COP1: variants seen among roughly 807,000 people sequenced by gnomAD.
COP1 encodes COP1 E3 ubiquitin ligase.
In COP1, 24 loss-of-function variants were observed where a neutral mutation model predicts 101.3. The observed-to-expected ratio is 0.24, with a 90% CI of 0.17 to 0.33. The LOEUF is 0.33. COP1 is among the 10% of genes least tolerant of loss of function. The pLI is 1.00. For synonymous variants in COP1, 347 were observed against 341.9 expected, an observed-to-expected ratio of 1.01 and a Z score of -0.17; for missense variants, 663 against 906.2, an observed-to-expected ratio of 0.73 and a Z score of 3.45.
rs538805362 is a variant in COP1 at position 175,982,544 on chromosome 1, G to A, written c.2133+4399C>T. ...GATTTTCTTAATAATATTTTCTTTT[G>A]TCTAGCTTATGTGGGTTAATTGTTT... On this transcript the variant is annotated intron_variant, in intron 18 of 19. Transcript: ENST00000367669. Among the ~76,000 whole-genome samples the A allele has an allele frequency of 2.0e-5, 3 of 152,090 alleles. No individual in the cohort carries two copies. The East Asian group carries it at 5.8e-4, about 29-fold the overall frequency.
At chr1:176,074,495 A>C (rs1448118812) in intron 11 of COP1, among the ~76,000 whole-genome samples, 7 of 152,176 alleles carry the variant, frequency 4.6e-5, no homozygotes, top group Non-Finnish European at 8.8e-5. Context: ...TAATAGAAAA[A>C]AAACGAATGT....
chr1:176,195,093 G>T (rs79061072), intron 1 of COP1, among the ~76,000 whole-genome samples: 4,936 of 140,286 alleles, frequency 0.035, 111 homozygotes, highest in Non-Finnish European at 0.049. Flanking sequence ...TCTCAAAGAA[G>T]AGAAGAGAAA....
At chr1:176,104,338 T>A (rs1683937088) in intron 9 of COP1, among the ~76,000 whole-genome samples, 1 of 152,096 alleles carries the variant, frequency 6.6e-6, no homozygotes, top group Non-Finnish European at 1.5e-5. Context: ...TTGATAATTT[T>A]AACTAAAAAC....
At chr1:176,125,227 G>C (rs1280536045) in intron 8 of COP1, among the ~76,000 whole-genome samples, 1 of 152,004 alleles carries the variant, frequency 6.6e-6, no homozygotes, top group African/African-American at 2.4e-5. Context: ...TTTGCTGATT[G>C]TTTCCTTTGG....
chr1:176,182,554 G>A (rs1036874499), intron 2 of COP1, among the ~76,000 whole-genome samples: 1 of 152,194 alleles, frequency 6.6e-6, no homozygotes, highest in African/African-American at 2.4e-5. Flanking sequence ...CTACGACAAA[G>A]AATTATCTGG....
chr1:176,113,207 A>G (rs1685588656), intron 9 of COP1, among the ~76,000 whole-genome samples: 1 of 152,072 alleles, frequency 6.6e-6, no homozygotes, highest in Admixed American at 6.5e-5. Context: ...CCTTTCTAAC[A>G]TTTGTTACTT....
chr1:176,168,951 T>C (rs934112548), intron 3 of COP1, among the ~76,000 whole-genome samples: 1 of 152,218 alleles, frequency 6.6e-6, no homozygotes, highest in African/African-American at 2.4e-5. Context: ...TTGAGTTATT[T>C]GGTTTCCAAC....
chr1:176,203,036 G>A (rs567708389), intron 1 of COP1, among the ~76,000 whole-genome samples: 5 of 152,176 alleles, frequency 3.3e-5, no homozygotes, highest in Non-Finnish European at 7.4e-5. Context: ...TCAAGCAGAT[G>A]ATTAAAAGTC....
At chr1:176,178,757 G>A (rs1458861418) in intron 2 of COP1, among the ~76,000 whole-genome samples, 3 of 152,082 alleles carry the variant, frequency 2.0e-5, no homozygotes, top group African/African-American at 7.2e-5. Context: ...GGAGGCTGAG[G>A]CAGGAGAATC....
At chr1:176,106,668 A>C (rs1684365237) in intron 9 of COP1, among the ~76,000 whole-genome samples, 1 of 151,992 alleles carries the variant, frequency 6.6e-6, no homozygotes, top group Non-Finnish European at 1.5e-5. Context: ...CTCCTACCTA[A>C]CCAATCAGGC....
chr1:176,150,668 C>T (rs886739032), intron 5 of COP1, among the ~76,000 whole-genome samples: 11 of 152,152 alleles, frequency 7.2e-5, no homozygotes, highest in African/African-American at 2.7e-4. Flanking sequence ...AGTGACAGTT[C>T]ATTTACAAAG....
intron 9 of COP1, among the ~76,000 whole-genome samples, chr1:176,105,029 G>GA (rs770101046): frequency 2.1e-4 from 32 of 151,728 alleles, no homozygotes; most frequent in Non-Finnish European, 3.1e-4. Context: ...ATAAAGTACA[G>GA]AAAAAAAATT....
At position 176,002,043 on chromosome 1, in the gene COP1, C is replaced by A. The variant is rs1661741353; in HGVS notation, c.1730-12564G>T. Among the ~76,000 whole-genome samples the A allele has an allele frequency of 2.0e-5, 3 of 152,070 alleles. No individual in the cohort carries two copies. In the South Asian group the frequency reaches 6.2e-4, roughly 31 times the overall value. On this transcript the variant is annotated intron_variant, in intron 15 of 19. Transcript: ENST00000367669. ...TTTCCAAGATTCTCTTCCCGCCTTT[C>A]AAGAGTTTCAATATGATGAGTTTAG...
At chr1:175,979,834 T>C (rs1655383881) in intron 18 of COP1, among the ~76,000 whole-genome samples, 1 of 152,184 alleles carries the variant, frequency 6.6e-6, no homozygotes, top group South Asian at 2.1e-4. Flanking sequence ...CACTTCAGCA[T>C]TTCTTTGATT....
chr1:176,002,696 T>C (rs1280857521), intron 15 of COP1, among the ~76,000 whole-genome samples: 1 of 149,330 alleles, frequency 6.7e-6, no homozygotes, highest in Non-Finnish European at 1.5e-5. Flanking sequence ...TCATCATTTT[T>C]TATGGCTGCA....
At chr1:176,175,564 G>A (rs554852320) in intron 3 of COP1, among the ~76,000 whole-genome samples, 2 of 152,322 alleles carry the variant, frequency 1.3e-5, no homozygotes, top group South Asian at 4.2e-4. Context: ...TGATCTGACA[G>A]GAGACAGAGC....
At chr1:176,079,403 T>C (rs1432378409) in intron 11 of COP1, among the ~76,000 whole-genome samples, 1 of 152,128 alleles carries the variant, frequency 6.6e-6, no homozygotes, top group East Asian at 1.9e-4. Flanking sequence ...ATGTATATTC[T>C]CACTTGTAAG....
chr1:176,078,140 A>G (rs1678410883), intron 11 of COP1, among the ~76,000 whole-genome samples: 2 of 152,324 alleles, frequency 1.3e-5, no homozygotes, highest in African/African-American at 4.8e-5. Flanking sequence ...TTAGAAAAAA[A>G]CTATTCTAAA....
In COP1 at chr1:176,162,877, G is replaced by C. The variant is rs1242318014; in HGVS notation, c.754C>G (p.Leu252Val). 1 of 1,589,952 alleles carries C rather than the reference G, an allele frequency of 6.3e-7. No homozygotes were observed. The highest frequency in any genetic ancestry group is 1.4e-5 in the African/African-American group (1 of 74,018). The part of the protein sequence containing the change: ...LELLVQKKKQ[L>V]EAESHAAQLQ... ...GTTTAGCTACCACTTACTGCTTCCA[G>C]TTGTTTCTTCTTCTGCACTAGTAAC... Residue 252 changes from leucine to valine, a missense_variant, in exon 5 of 20, where the codon CTG becomes GTG. Physicochemically the swap from Leu to Val is conservative, Grantham distance 32. Transcript: ENST00000367669.
Sources: gnomAD v4.1 joint callset for allele counts (sites outside exome capture counted in the v4.1 genomes callset) on GRCh38, gnomAD v4.1.1 for gene constraint, MANE v1.5 for transcripts, NCBI Gene and HGNC (gene_info 2026-07-23, HGNC 2026-07-21) for gene names.